TLE2: variants seen among roughly 807,000 people sequenced by gnomAD.
TLE2 encodes the protein TLE family member 2, transcriptional corepressor.
TLE2 carries 74 observed loss-of-function variants against 97.2 expected under a neutral mutation model. That is an observed-to-expected ratio of 0.76 (90% CI 0.63 to 0.92). TLE2 has a LOEUF of 0.92. Among genes scored for constraint, TLE2 ranks in the 40% least tolerant of loss-of-function variants. The pLI, the probability that TLE2 is intolerant of heterozygous loss-of-function variation, is 0.00. For missense variants in TLE2, 1,038 were observed against 1,008.7 expected (o/e 1.03, Z -0.39); for synonymous variants, 499 against 432.1 (o/e 1.15, Z -1.92).
At chr19:3,023,468 T>C (rs2089885382) in intron 5 of TLE2, among the ~76,000 whole-genome samples, 1 of 152,186 alleles carries the variant, frequency 6.6e-6, no homozygotes, top group Admixed American at 6.5e-5. Context: ...TCAGACTCAG[T>C]GGAATCTGAA....
intron 18 of TLE2, among the ~76,000 whole-genome samples, chr19:3,001,316 T>C (rs144170937): frequency 2.0e-5 from 3 of 151,988 alleles, no homozygotes; most frequent in African/African-American, 4.8e-5. Flanking sequence ...GATCTCACTA[T>C]GCTGCCCAGA....
Position 3,005,804 on chromosome 19 carries a change from G to A in TLE2, c.1665C>T (p.Val555=), listed in dbSNP as rs1484203472. ...SSAPACYALA[V]SPDAKVCFSC... is the part of the protein sequence containing the mutation. ...AGAAGCAAACCTTGGCGTCGGGGCT[G>A]ACGGCCAGGGCGTAGCAGGCTGGGG... Residue 555 remains valine (V), a synonymous_variant, in exon 16 of 20, where the codon GTC becomes GTT. Coordinates refer to ENST00000262953, the MANE Select transcript of TLE2 (RefSeq NM_003260.5). 6.2e-7 allele frequency: 1 copy of A among 1,614,004 alleles called. No individual in the cohort carries two copies. Among genetic ancestry groups the A allele is most frequent in the Non-Finnish European group, 8.5e-7 (1 of 1,179,864 alleles).
Position 3,011,099 on chromosome 19 carries a change from G to T in TLE2, c.935C>A (p.Ala312Asp). 1 of 1,610,858 alleles carries T rather than the reference G, an allele frequency of 6.2e-7. No individual in the cohort carries two copies. Residue 312 changes from alanine to aspartate, a missense_variant, in exon 12 of 20, where the codon GCT becomes GAT. Ala to Asp is a moderately radical substitution (Grantham distance 126, BLOSUM62 -2). Transcript: ENST00000262953. Reference sequence around the variant, plus strand: ...GGCCGAGCTGGGCCCGGGGGTGGAAGCGTCCTGGGGCGGGGAGGAGTCACA... The same window carrying T: ...GGCCGAGCTGGGCCCGGGGGTGGAATCGTCCTGGGGCGGGGAGGAGTCACA... Reference protein sequence around the residue: ...KSCDSSPPQDASTPGPSSASH... With the variant: ...KSCDSSPPQDDSTPGPSSASH...
chr19:3,043,589 G>T (rs2090120557), intron 1 of TLE2, among the ~76,000 whole-genome samples: 1 of 151,096 alleles, frequency 6.6e-6, no homozygotes, highest in African/African-American at 2.4e-5. Context: ...TTTGAGGTCA[G>T]GAGTTTGAGA....
intron 19 of TLE2, among the ~76,000 whole-genome samples, chr19:3,000,286 A>G (rs1568228930): frequency 1.3e-5 from 2 of 151,410 alleles, no homozygotes; most frequent in Non-Finnish European, 2.9e-5. Context: ...CATATTAGCC[A>G]GGGTGGTCTC....
chr19:2,998,059 C>G (rs569273080), intron 19 of TLE2, 104 bp from the exon 20 acceptor site: 47 of 743,398 alleles, frequency 6.3e-5, no homozygotes, highest in Non-Finnish European at 1.1e-4. Flanking sequence ...GGTCAGGACT[C>G]GCCTACAGAG....
intron 4 of TLE2, chr19:3,025,758 G>T: frequency 3.6e-6 from 1 of 274,068 alleles, no homozygotes; most frequent in Non-Finnish European, 5.6e-6. Context: ...CGAAGTCTGT[G>T]TCTCCTATTC....
intron 15 of TLE2, 62 bp downstream of exon 15, chr19:3,006,358 A>G: frequency 6.4e-7 from 1 of 1,566,724 alleles, no homozygotes; most frequent in East Asian, 2.3e-5. Context: ...ACACCGCCCC[A>G]TTGGAACATA....
chr19:3,043,948 C>T (rs2090123789), intron 1 of TLE2, among the ~76,000 whole-genome samples: 1 of 152,136 alleles, frequency 6.6e-6, no homozygotes, highest in Non-Finnish European at 1.5e-5. Context: ...CGCACCACTG[C>T]ACTCCAGCCT....
intron 19 of TLE2, among the ~76,000 whole-genome samples, chr19:2,998,420 G>A (rs1054404729): frequency 6.6e-6 from 1 of 152,026 alleles, no homozygotes; most frequent in African/African-American, 2.4e-5. Flanking sequence ...TGGGATTGCA[G>A]GTGCATGCCA....
chr19:3,017,734 G>A, intron 8 of TLE2, 106 bp downstream of exon 8: 1 of 1,092,508 alleles, frequency 9.2e-7, no homozygotes, highest in Non-Finnish European at 1.3e-6. Flanking sequence ...TCAAAGGCGT[G>A]AGCCACCATG....
chr19:3,031,086 C>G (rs2090020866), upstream of TLE2, among the ~76,000 whole-genome samples: 1 of 152,080 alleles, frequency 6.6e-6, no homozygotes, highest in East Asian at 1.9e-4. Context: ...GAGACAGATC[C>G]CTGCCCTCTC....
chr19:3,011,314 G>A (rs2089590863), intron 11 of TLE2, among the ~76,000 whole-genome samples, 154 bp from the exon 12 acceptor site: 1 of 152,122 alleles, frequency 6.6e-6, no homozygotes. Flanking sequence ...GATCACCTGA[G>A]GTCAGGAGTT....
intron 4 of TLE2, 100 bp from the exon 5 acceptor site, chr19:3,025,182 G>T: frequency 7.8e-7 from 1 of 1,285,204 alleles, no homozygotes; most frequent in Non-Finnish European, 1.1e-6. Context: ...CCGAAGGGTT[G>T]GGGAGGTGAC....
chr19:3,015,290 G>A (rs144080315), intron 9 of TLE2, among the ~76,000 whole-genome samples: 16 of 152,328 alleles, frequency 1.1e-4, no homozygotes, highest in African/African-American at 2.9e-4. Flanking sequence ...GGCAATGAGA[G>A]GAGGTCCCAG....
At chr19:3,038,776 G>A (rs575471835) in intron 1 of TLE2, among the ~76,000 whole-genome samples, 2 of 152,176 alleles carry the variant, frequency 1.3e-5, no homozygotes, top group Non-Finnish European at 2.9e-5. Context: ...CGGGCGCAGT[G>A]GCTCATGCCT....
rs186119385 is a variant in TLE2, at chr19:3,043,853, G to A, written c.63+1873C>T. ...AAAAAAATTAGCCAGGCATGGTGGC[G>A]GGGGCCTGTAATCCCAGTTACTCGG... On this transcript the variant is annotated intron_variant, in intron 1 of 18. Transcript: ENST00000426948. Among the ~76,000 whole-genome samples, 211 of 151,854 alleles carry A rather than the reference G, an allele frequency of 1.4e-3. 5 individuals carry two copies. In the South Asian group the frequency reaches 0.037, roughly 27 times the overall value.
chr19:3,012,117 G>A (rs535031950), intron 11 of TLE2, among the ~76,000 whole-genome samples: 2 of 152,028 alleles, frequency 1.3e-5, no homozygotes, highest in South Asian at 2.1e-4. Flanking sequence ...GTGGTGGCAC[G>A]TGCCTGTAGT....
intron 12 of TLE2, 51 bp from the exon 13 acceptor site, chr19:3,009,753 G>T (rs538354311): frequency 3.2e-6 from 5 of 1,544,660 alleles, no homozygotes; most frequent in South Asian, 1.2e-5. Context: ...CCCAGATCCC[G>T]CCTCCCACTG....
Sources: allele counts gnomAD v4.1 joint callset (sites outside exome capture counted in the v4.1 genomes callset), GRCh38; gene constraint gnomAD v4.1.1; transcripts MANE v1.5; gene names NCBI Gene and HGNC (gene_info 2026-07-23, HGNC 2026-07-21).